Variants in CACNA1S observed in about 807,000 individuals in gnomAD.
CACNA1S encodes the protein voltage-dependent L-type calcium channel subunit alpha-1S.
CACNA1S carries 126 observed loss-of-function variants against 207.4 expected under a neutral mutation model. The observed-to-expected ratio is 0.61, with a 90% CI of 0.53 to 0.70. The LOEUF is 0.70. CACNA1S is among the 30% of genes least tolerant of loss of function. CACNA1S has a pLI of 0.00. For synonymous variants in CACNA1S, 960 were observed against 932.7 expected (o/e 1.03, Z -0.53); for missense variants, 2,349 against 2,422.8 (o/e 0.97, Z 0.64).
chr1:201,061,206 T>C (rs1213507059), intron 25 of CACNA1S, 61 bp downstream of exon 25: 2 of 1,482,690 alleles, frequency 1.3e-6, no homozygotes, highest in African/African-American at 1.4e-5. Context: ...AACCTAGGGC[T>C]TGGGCCAGCA....
At chr1:201,112,101 C>T (rs1187337771) in intron 1 of CACNA1S, 87 bp downstream of exon 1, 6 of 1,390,840 alleles carry the variant, frequency 4.3e-6, no homozygotes, top group Non-Finnish European at 6.0e-6. Flanking sequence ...CCCTGGCCCT[C>T]CTGTAGGAAG....
chr1:201,066,402 C>T lies in CACNA1S; in HGVS notation c.2658-86G>A, dbSNP rs1424398071. On this transcript the variant is annotated intron_variant, in intron 20 of 43. Transcript: ENST00000362061. This position sits in a 1 kb window ranked among gnomAD's most constrained non-coding sequence, Gnocchi z 4.3. ...GTGGAGCCTCCAGCCATATCCTGCCCTCCACACCAGCTGCCTTTCTGCCTG... is the reference window on the plus strand; with the variant it reads ...GTGGAGCCTCCAGCCATATCCTGCCTTCCACACCAGCTGCCTTTCTGCCTG... The T allele has an allele frequency of 6.2e-6, 7 of 1,130,496 alleles. No individual in the cohort carries two copies. The highest frequency in any genetic ancestry group is 9.3e-6 in the Non-Finnish European group (7 of 751,762). The allele number at this position is 1,130,496 out of a possible 1,614,324, so 70.0% of individuals were successfully genotyped here. A position where few individuals can be genotyped will look rare whatever the true frequency, so the allele number is the denominator to read the frequency against.
In CACNA1S at chr1:201,047,602, T is replaced by A; in HGVS notation, c.4466A>T (p.Glu1489Val). The A allele has an allele frequency of 1.2e-6, 2 of 1,614,128 alleles. No homozygotes were observed. Among genetic ancestry groups the A allele is most frequent in the South Asian group, 1.1e-5 (1 of 91,080 alleles). The part of the protein sequence containing the change: ...TEGNFEQANE[E>V]LRAIIKKIWK... ...GATCTTCTTGATGATGGCCCTCAGC[T>A]CCTCGTTGGCCTGCTCAAAGTTACC... The change falls in exon 37 of 44, where the codon GAG (glutamate) becomes GTG (valine). Residue 1489 changes from glutamate to valine, a missense_variant. Glu to Val is a moderately radical substitution (Grantham distance 121). Coordinates refer to ENST00000362061, the MANE Select transcript of CACNA1S (RefSeq NM_000069.3).
chr1:201,052,168 C>A (rs1235329369), intron 32 of CACNA1S, among the ~76,000 whole-genome samples: 4 of 152,192 alleles, frequency 2.6e-5, no homozygotes, highest in East Asian at 3.9e-4. Context: ...TGTGGCAGCG[C>A]CCCCCACCCC....
intron 36 of CACNA1S, among the ~76,000 whole-genome samples, chr1:201,048,224 T>A (rs1660536705): frequency 6.6e-6 from 1 of 151,918 alleles, no homozygotes; most frequent in Non-Finnish European, 1.5e-5. Flanking sequence ...TTTAGTGGAG[T>A]CGAATGTGGA....
chr1:201,061,860 C>T lies in CACNA1S; in HGVS notation c.3053+84G>A, dbSNP rs61614423. The stretch of plus-strand genomic sequence containing the variant: ...CGCCTGCCACAGGTAGCAGTAGCAC[C>T]GTGGGGGCTGCAGAAGGGCAGGCTG... On this transcript the variant is annotated intron_variant, in intron 24 of 43. Transcript: ENST00000362061. 0.076 allele frequency: 113,796 copies of T among 1,488,602 alleles called. 4,942 individuals are homozygous for T. The highest frequency in any genetic ancestry group is 0.18 in the African/African-American group (12,869 of 72,472). The allele number at this position is 1,488,602 out of a possible 1,614,324, so 92.2% of individuals were successfully genotyped here. A position where few individuals can be genotyped will look rare whatever the true frequency, so the allele number is the denominator to read the frequency against.
At chr1:201,057,292 C>T (rs916441650) in intron 28 of CACNA1S, among the ~76,000 whole-genome samples, 5 of 152,256 alleles carry the variant, frequency 3.3e-5, no homozygotes, top group Admixed American at 3.3e-4. Flanking sequence ...GGCCTTTGCA[C>T]TGCTGTCGTG....
At chr1:201,105,598 A>G (rs2102184009) in intron 2 of CACNA1S, among the ~76,000 whole-genome samples, 1 of 152,256 alleles carries the variant, frequency 6.6e-6, no homozygotes, top group East Asian at 1.9e-4. Context: ...CCAGGATGTC[A>G]GCATCCTGGA....
intron 34 of CACNA1S, 148 bp downstream of exon 34, chr1:201,050,241 C>A (rs770204910): frequency 4.4e-6 from 4 of 902,708 alleles, no homozygotes; most frequent in Non-Finnish European, 7.3e-6. Context: ...CCTGGAGATA[C>A]TCTGATTCTC....
At position 201,066,385 on chromosome 1, in the gene CACNA1S, TC is replaced by T; in HGVS notation, c.2658-70del. 1 of 1,233,912 alleles carries T rather than the reference TC, an allele frequency of 8.1e-7. No individual in the cohort carries two copies. The highest frequency in any genetic ancestry group is 1.2e-6 in the Non-Finnish European group (1 of 869,332). The allele number at this position is 1,233,912 out of a possible 1,614,324, so 76.4% of individuals were successfully genotyped here. ...AGCCAGCCCAGTCTGCGGTGGAGCC[TC>T]CAGCCATATCCTGCCCTCCACACCA... On this transcript the variant is annotated intron_variant, in intron 20 of 43. Transcript: ENST00000362061. The surrounding 1 kb of genome is among the most constrained non-coding windows in gnomAD (Gnocchi z 4.3).
At chr1:201,112,054 A>G (rs1488034287) in intron 1 of CACNA1S, 134 bp downstream of exon 1, 19 of 776,096 alleles carry the variant, frequency 2.4e-5, no homozygotes, top group Non-Finnish European at 3.6e-5. Flanking sequence ...TCCTCACTCA[A>G]TTCTGTGAGT....
At chr1:201,077,739 A>G in intron 11 of CACNA1S, 140 bp downstream of exon 11, 1 of 619,262 alleles carries the variant, frequency 1.6e-6, no homozygotes, top group Non-Finnish European at 2.9e-6. Flanking sequence ...GGTTATTTCA[A>G]GGAGGGAGGG....
At chr1:201,075,449 A>AGCCCTTTTTTTCCC in intron 13 of CACNA1S, 46 bp downstream of exon 13, 1 of 1,063,656 alleles carries the variant, frequency 9.4e-7, no homozygotes, top group Non-Finnish European at 1.3e-6. Context: ...CCTTTCCCCC[A>AGCCCTTTTTTTCCC]CCCCCTCCCT....
intron 16 of CACNA1S, among the ~76,000 whole-genome samples, chr1:201,072,091 G>A (rs925748627): frequency 1.3e-5 from 2 of 152,196 alleles, no homozygotes; most frequent in Admixed American, 1.3e-4. Flanking sequence ...GACCCAGAGA[G>A]TTCTTGGGCC....
intron 19 of CACNA1S, among the ~76,000 whole-genome samples, chr1:201,068,930 A>C (rs1161601591): frequency 6.6e-6 from 1 of 152,164 alleles, no homozygotes; most frequent in Non-Finnish European, 1.5e-5. Flanking sequence ...TACTCTGTGG[A>C]TGGGGGAGCC....
chr1:201,090,569 A>G (rs1047021255), intron 5 of CACNA1S, among the ~76,000 whole-genome samples: 5 of 152,198 alleles, frequency 3.3e-5, no homozygotes, highest in Non-Finnish European at 7.3e-5. Context: ...GGTGAGTTCA[A>G]TGCCAGGGCT....
At chr1:201,112,147 T>G (rs189451087) in intron 1 of CACNA1S, 41 bp downstream of exon 1, 1 of 1,583,936 alleles carries the variant, frequency 6.3e-7, no homozygotes, top group Admixed American at 1.7e-5. Flanking sequence ...CCCTCCCTCA[T>G]GACGCACACC....
chr1:201,059,760 C>T (rs947605054), intron 26 of CACNA1S, among the ~76,000 whole-genome samples: 2 of 152,226 alleles, frequency 1.3e-5, no homozygotes, highest in Admixed American at 6.5e-5. Context: ...ACTGAGAGCT[C>T]ACCAAGCTTA....
intron 7 of CACNA1S, 25 bp downstream of exon 7, chr1:201,087,801 C>T: frequency 6.7e-7 from 1 of 1,485,500 alleles, no homozygotes; most frequent in Non-Finnish European, 9.4e-7. Flanking sequence ...CTCTTTTCTC[C>T]CCTGGCTACC....
Sources: gnomAD v4.1 joint callset for allele counts (sites outside exome capture counted in the v4.1 genomes callset) on GRCh38, gnomAD v4.1.1 for gene constraint, Gnocchi (gnomAD v3.1) non-coding constraint, MANE v1.5 for transcripts, NCBI Gene and HGNC (gene_info 2026-07-23, HGNC 2026-07-21) for gene names.